COL4A5: variants seen among roughly 807,000 people sequenced by gnomAD.
COL4A5 encodes the protein collagen alpha-5(IV) chain.
Under a neutral mutation model 130.2 loss-of-function variants are expected in COL4A5, and 26 were observed. The observed-to-expected ratio is 0.20, with a 90% confidence interval of 0.15 to 0.28. The LOEUF (loss-of-function observed/expected upper bound fraction) is 0.28. COL4A5 is among the 10% of genes least tolerant of loss of function. COL4A5 has a pLI of 1.00. For synonymous variants in COL4A5, 496 were observed against 439.6 expected, an observed-to-expected ratio of 1.13 and a Z score of -1.60; for missense variants, 1,131 against 1,344.3, an observed-to-expected ratio of 0.84 and a Z score of 2.48.
chrX:108,498,438 C>G (rs1163858707), intron 1 of COL4A5, among the ~76,000 whole-genome samples: 1 of 110,630 alleles, frequency 9.0e-6, no homozygotes, highest in East Asian at 2.8e-4. Flanking sequence ...AATATTAAAA[C>G]TTCCTTCCTC....
intron 3 of COL4A5, among the ~76,000 whole-genome samples, chrX:108,563,189 T>C (rs60967714): frequency 0.1 from 11,579 of 111,144 alleles, 1,304 homozygotes; most frequent in African/African-American, 0.34. Flanking sequence ...AGTTCCTTTT[T>C]CTTGGAGCAG....
chrX:108,604,857 A>T (rs886641800), intron 28 of COL4A5, among the ~76,000 whole-genome samples: 1 of 112,005 alleles, frequency 8.9e-6, no homozygotes, highest in Non-Finnish European at 1.9e-5. Context: ...CACTTTTATG[A>T]TGTGGAGACA....
chrX:108,625,179 TACAA>T (rs1433225473), intron 34 of COL4A5, among the ~76,000 whole-genome samples: 6 of 112,570 alleles, frequency 5.3e-5, no homozygotes, highest in Non-Finnish European at 1.1e-4. Context: ...AGGAAAAATG[TACAA>T]ACAGAGCAGC....
At chrX:108,471,415 T>C (rs150262935) in intron 1 of COL4A5, among the ~76,000 whole-genome samples, 95 of 111,609 alleles carry the variant, frequency 8.5e-4, no homozygotes, top group African/African-American at 2.9e-3. Flanking sequence ...GATAATGAGA[T>C]TGCTTTCTTG....
intron 1 of COL4A5, among the ~76,000 whole-genome samples, chrX:108,529,187 C>T (rs149532631): frequency 1.1e-4 from 12 of 111,546 alleles, no homozygotes. Context: ...AAAAAAATTG[C>T]CAGCCAAGAA....
At chrX:108,681,726 CT>C in intron 46 of COL4A5, 33 bp from the exon 47 acceptor site, 1 of 1,208,354 alleles carries the variant, frequency 8.3e-7, no homozygotes. Flanking sequence ...TAACCTTTCT[CT>C]TTCCCTTCAA....
chrX:108,514,021 A>G, intron 1 of COL4A5, among the ~76,000 whole-genome samples: 2 of 111,637 alleles, frequency 1.8e-5, no homozygotes, highest in Middle Eastern at 4.7e-3. Flanking sequence ...TTTTTTCCCT[A>G]TTGGATTGCT....
intron 6 of COL4A5, 67 bp downstream of exon 6, chrX:108,568,888 T>G: frequency 1.0e-6 from 1 of 957,809 alleles, no homozygotes; most frequent in Non-Finnish European, 1.5e-6. Context: ...CCTAAAGAAA[T>G]CAATATGAAG....
At chrX:108,580,417 C>A (rs2066222933) in intron 13 of COL4A5, 116 bp from the exon 14 acceptor site, 7 of 638,442 alleles carry the variant, frequency 1.1e-5, no homozygotes, top group Admixed American at 2.2e-5. Context: ...GTTGCTCCAA[C>A]ATAGATGTAG....
intron 36 of COL4A5, among the ~76,000 whole-genome samples, chrX:108,635,284 A>G (rs2067332972): frequency 9.0e-6 from 1 of 111,312 alleles, no homozygotes; most frequent in Admixed American, 9.6e-5. Context: ...AACATGCTTC[A>G]TAAAAAAGAA....
At chrX:108,468,865 A>G (rs1365774567) in intron 1 of COL4A5, among the ~76,000 whole-genome samples, 2 of 110,497 alleles carry the variant, frequency 1.8e-5, no homozygotes, top group African/African-American at 6.6e-5. Flanking sequence ...GAATAAAACT[A>G]TATTTATAGA....
At chrX:108,635,696 G>A (rs1569501039) in intron 36 of COL4A5, among the ~76,000 whole-genome samples, 1 of 111,972 alleles carries the variant, frequency 8.9e-6, no homozygotes, top group Non-Finnish European at 1.9e-5. Flanking sequence ...GCACTGGGTA[G>A]ACATAGAGAC....
intron 2 of COL4A5, among the ~76,000 whole-genome samples, chrX:108,554,609 C>T (rs749461713): frequency 8.9e-6 from 1 of 111,878 alleles, no homozygotes; most frequent in South Asian, 3.7e-4. Flanking sequence ...AACTGTAATC[C>T]CAGCACTTTG....
intron 36 of COL4A5, among the ~76,000 whole-genome samples, chrX:108,650,654 A>G (rs893760326): frequency 2.7e-5 from 3 of 111,055 alleles, no homozygotes; most frequent in Non-Finnish European, 5.7e-5. Flanking sequence ...GGAGACTATT[A>G]TTCTAAGTGA....
intron 1 of COL4A5, among the ~76,000 whole-genome samples, chrX:108,505,360 A>G (rs1477351977): frequency 1.8e-5 from 2 of 110,577 alleles, no homozygotes; most frequent in East Asian, 5.7e-4. Context: ...ACCAAAAACC[A>G]CTTGTACCCC....
At chrX:108,484,189 A>G (rs1052529453) in intron 1 of COL4A5, among the ~76,000 whole-genome samples, 1 of 111,783 alleles carries the variant, frequency 8.9e-6, no homozygotes, top group Non-Finnish European at 1.9e-5. Context: ...TTCAATCTCT[A>G]TGTTAAATTT....
chrX:108,455,971 T>C (rs753374445), intron 1 of COL4A5, among the ~76,000 whole-genome samples: 1 of 112,074 alleles, frequency 8.9e-6, no homozygotes, highest in Non-Finnish European at 1.9e-5. Context: ...TCCATATAAA[T>C]TTTACATTAA....
intron 49 of COL4A5, chrX:108,689,490 A>G (rs1733104905): frequency 1.3e-6 from 1 of 751,714 alleles, no homozygotes; most frequent in Admixed American, 8.9e-5. Context: ...AATAAGAACA[A>G]TCAGATTTGG....
intron 29 of COL4A5, among the ~76,000 whole-genome samples, chrX:108,614,373 A>C (rs1308832653): frequency 1.8e-5 from 2 of 111,657 alleles, no homozygotes; most frequent in African/African-American, 6.5e-5. Context: ...GTCAAAACTC[A>C]TCAAAGTGTA....
Sources: gnomAD v4.1 joint callset for allele counts (sites outside exome capture counted in the v4.1 genomes callset) on GRCh38, gnomAD v4.1.1 for gene constraint, MANE v1.5 for transcripts, NCBI Gene and HGNC (gene_info 2026-07-23, HGNC 2026-07-21) for gene names.